Variants in TMEM117 observed in about 807,000 individuals in gnomAD.
TMEM117 encodes the protein transmembrane protein 117.
TMEM117 carries 27 observed loss-of-function variants against 52.4 expected under a neutral mutation model. The observed-to-expected ratio is 0.51, with a 90% confidence interval of 0.38 to 0.71. The LOEUF is 0.71. Ranked by LOEUF, TMEM117 falls within the 30% of genes least tolerant of loss-of-function variation. The probability of loss-of-function intolerance (pLI) is 0.00; values close to 1 mark genes in which losing one functional copy is unlikely to be tolerated. For missense variants in TMEM117, 556 were observed against 630.5 expected, an observed-to-expected ratio of 0.88 and a Z score of 1.26; for synonymous variants, 215 against 206.3, an observed-to-expected ratio of 1.04 and a Z score of -0.36.
At chr12:43,843,135 T>C (rs1340182162) in intron 1 of TMEM117, among the ~76,000 whole-genome samples, 1 of 152,234 alleles carries the variant, frequency 6.6e-6, no homozygotes, top group East Asian at 1.9e-4. Context: ...GAGCCTGGCA[T>C]GCAAACTGCT....
chr12:44,219,290 C>T (rs937388292), intron 5 of TMEM117, among the ~76,000 whole-genome samples: 1 of 151,068 alleles, frequency 6.6e-6, no homozygotes, highest in African/African-American at 2.5e-5. Context: ...CACATTAACT[C>T]CCTATATTCT....
At chr12:44,270,334 T>A (rs1332340946) in intron 5 of TMEM117, among the ~76,000 whole-genome samples, 1 of 152,150 alleles carries the variant, frequency 6.6e-6, no homozygotes, top group Non-Finnish European at 1.5e-5. Context: ...CTTGGTTAGA[T>A]ACATTCCTAA....
chr12:44,198,391 A>G (rs964203548), intron 4 of TMEM117, among the ~76,000 whole-genome samples: 1 of 152,222 alleles, frequency 6.6e-6, no homozygotes, highest in Admixed American at 6.5e-5. Context: ...AAAATTACCA[A>G]CAAAGCAGGG....
intron 3 of TMEM117, among the ~76,000 whole-genome samples, chr12:43,974,546 CG>C (rs1945641815): frequency 3.3e-5 from 5 of 152,196 alleles, no homozygotes; most frequent in Admixed American, 2.0e-4. Context: ...AACTTTAGAT[CG>C]GTTAACACCT....
At chr12:44,267,664 C>T (rs1484059247) in intron 5 of TMEM117, among the ~76,000 whole-genome samples, 1 of 152,150 alleles carries the variant, frequency 6.6e-6, no homozygotes, top group African/African-American at 2.4e-5. Flanking sequence ...ATACCTTTGA[C>T]CCTCCTTTCT....
chr12:43,797,471 A>G, the TMEM117 span: 1 of 1,550,728 alleles, frequency 6.4e-7, no homozygotes, highest in Non-Finnish European at 8.8e-7. Context: ...AAGAAACAAA[A>G]TATGTTCATT....
chr12:44,293,888 G>T (rs1726890), intron 5 of TMEM117, among the ~76,000 whole-genome samples: 31,834 of 151,812 alleles, frequency 0.21, 5,851 homozygotes, highest in African/African-American at 0.5. Flanking sequence ...ACTTTACTAG[G>T]GAATCTTATA....
intron 6 of TMEM117, among the ~76,000 whole-genome samples, chr12:44,328,021 C>T (rs763876883): frequency 1.3e-5 from 2 of 152,180 alleles, no homozygotes; most frequent in South Asian, 2.1e-4. Context: ...CTCTATGGAG[C>T]GGTGAGCCAG....
intron 2 of TMEM117, among the ~76,000 whole-genome samples, chr12:43,846,432 C>G (rs952187611): frequency 6.6e-6 from 1 of 152,184 alleles, no homozygotes; most frequent in Non-Finnish European, 1.5e-5. Context: ...CTTTCCTGGT[C>G]TCAAGTTTAA....
chr12:44,006,213 G>A (rs1024959551), intron 3 of TMEM117, among the ~76,000 whole-genome samples: 1 of 152,162 alleles, frequency 6.6e-6, no homozygotes, highest in Non-Finnish European at 1.5e-5. Context: ...AACAGATACC[G>A]GGGTGAGGAC....
At chr12:44,382,159 A>G (rs1035962132) in intron 7 of TMEM117, among the ~76,000 whole-genome samples, 1 of 152,180 alleles carries the variant, frequency 6.6e-6, no homozygotes, top group Admixed American at 6.5e-5. Context: ...CATTTTGCCC[A>G]TGGCCTGTCA....
intron 4 of TMEM117, among the ~76,000 whole-genome samples, chr12:44,171,209 G>A (rs896894638): frequency 1.3e-5 from 2 of 151,814 alleles, no homozygotes; most frequent in East Asian, 3.9e-4. Context: ...TAGAGACAGG[G>A]TTTCACCATT....
intron 5 of TMEM117, among the ~76,000 whole-genome samples, chr12:44,299,284 C>G (rs1950807602): frequency 6.6e-6 from 1 of 152,058 alleles, no homozygotes; most frequent in South Asian, 2.1e-4. Flanking sequence ...GCGCACACCA[C>G]TGCGTTTGGC....
chr12:44,040,629 T>A (rs938556401), intron 3 of TMEM117, among the ~76,000 whole-genome samples: 6 of 152,226 alleles, frequency 3.9e-5, no homozygotes, highest in African/African-American at 1.4e-4. Flanking sequence ...ACACTTTATA[T>A]CTTATTCCTG....
intron 6 of TMEM117, among the ~76,000 whole-genome samples, chr12:44,326,053 C>T (rs1044885861): frequency 6.6e-6 from 1 of 152,114 alleles, no homozygotes; most frequent in African/African-American, 2.4e-5. Context: ...ATCCCAGCTC[C>T]TCCAGAGGCT....
intron 2 of TMEM117, among the ~76,000 whole-genome samples, chr12:43,859,546 T>G (rs1387655461): frequency 6.6e-6 from 1 of 151,946 alleles, no homozygotes; most frequent in Non-Finnish European, 1.5e-5. Context: ...GAAGAAAAAT[T>G]TTTTGATCAA....
chr12:43,802,202 T>G, the TMEM117 span: 2 of 904,490 alleles, frequency 2.2e-6, no homozygotes, highest in African/African-American at 3.5e-5. Flanking sequence ...ATAATTATTG[T>G]TTTTTAACCT....
At chr12:44,373,771 CTTTTTTTTT>C (rs142046499) in intron 6 of TMEM117, among the ~76,000 whole-genome samples, 3 of 60,038 alleles carry the variant, frequency 5.0e-5, no homozygotes, top group East Asian at 1.3e-3. Context: ...TGTCCATTTC[CTTTTTTTTT>C]TTTTTTTTTT....
chr12:44,050,972 T>G (rs1300641632), intron 3 of TMEM117, among the ~76,000 whole-genome samples: 1 of 152,204 alleles, frequency 6.6e-6, no homozygotes, highest in East Asian at 1.9e-4. Flanking sequence ...AAATGAAAAT[T>G]TATTATTTCA....
Sources: gnomAD v4.1 joint callset for allele counts (sites outside exome capture counted in the v4.1 genomes callset) on GRCh38, gnomAD v4.1.1 for gene constraint, MANE v1.5 for transcripts, NCBI Gene and HGNC (gene_info 2026-07-23, HGNC 2026-07-21) for gene names.